The following LMO7 variants were observed in gnomAD, a reference collection of about 807,000 sequenced individuals.
LMO7 encodes LIM domain only protein 7.
LMO7 carries 120 observed loss-of-function variants against 206.5 expected under a neutral mutation model. The observed-to-expected ratio is 0.58, with a 90% CI of 0.50 to 0.68. The LOEUF is 0.68. LMO7 is among the 30% of genes least tolerant of loss of function. LMO7 has a pLI of 0.00. For synonymous variants in LMO7, 706 were observed against 681.5 expected (o/e 1.04, Z -0.56); for missense variants, 1,959 against 1,957.9 (o/e 1.00, Z -0.01).
At chr13:75,677,048 T>C (rs1299819523) in intron 1 of LMO7, among the ~76,000 whole-genome samples, 1 of 152,224 alleles carries the variant, frequency 6.6e-6, no homozygotes, top group Admixed American at 6.5e-5. Flanking sequence ...ATTTATGATA[T>C]GGAATGAACC....
At chr13:75,702,733 A>T (rs2042362693) in intron 1 of LMO7, among the ~76,000 whole-genome samples, 1 of 152,210 alleles carries the variant, frequency 6.6e-6, no homozygotes, top group African/African-American at 2.4e-5. Context: ...GAATTGCTTC[A>T]TTTTACTTTT....
chr13:75,783,329 C>T (rs1313459648), intron 4 of LMO7, among the ~76,000 whole-genome samples: 1 of 152,066 alleles, frequency 6.6e-6, no homozygotes, highest in Non-Finnish European at 1.5e-5. Flanking sequence ...CTGATATGTT[C>T]CTTTTTTTTG....
chr13:75,703,714 TTGTG>T (rs139490120), intron 1 of LMO7, among the ~76,000 whole-genome samples: 257 of 147,666 alleles, frequency 1.7e-3, no homozygotes, highest in Non-Finnish European at 2.2e-3. Flanking sequence ...TTCAGGTTCT[TTGTG>T]TGTGTGTGTG....
chr13:75,652,922 C>G (rs551217573), intron 1 of LMO7, among the ~76,000 whole-genome samples: 25 of 152,004 alleles, frequency 1.6e-4, no homozygotes, highest in Non-Finnish European at 2.9e-4. Flanking sequence ...ATAAACTAAA[C>G]CACAGATGGA....
chr13:75,796,318 C>T (rs529831391), intron 5 of LMO7, among the ~76,000 whole-genome samples: 1 of 152,116 alleles, frequency 6.6e-6, no homozygotes, highest in Non-Finnish European at 1.5e-5. Context: ...GATGAAAAAA[C>T]ATTGATTGCT....
intron 1 of LMO7, among the ~76,000 whole-genome samples, chr13:75,677,664 T>G (rs545550947): frequency 4.6e-5 from 7 of 151,840 alleles, no homozygotes; most frequent in Admixed American, 2.0e-4. Flanking sequence ...TATTATACTT[T>G]AAGTTCTAGG....
intron 3 of LMO7, among the ~76,000 whole-genome samples, chr13:75,729,339 T>G (rs1179507693): frequency 6.7e-6 from 1 of 148,586 alleles, no homozygotes; most frequent in Non-Finnish European, 1.5e-5. Flanking sequence ...AAGAGGTCCT[T>G]CACATCCCTT....
upstream of LMO7, among the ~76,000 whole-genome samples, chr13:75,634,580 A>G (rs1593928372): frequency 6.6e-6 from 1 of 152,280 alleles, no homozygotes; most frequent in South Asian, 2.1e-4. Context: ...CTCTACTAAA[A>G]AAATACAAAA....
intron 1 of LMO7, among the ~76,000 whole-genome samples, chr13:75,704,267 G>T (rs890265636): frequency 3.9e-5 from 6 of 152,160 alleles, no homozygotes; most frequent in African/African-American, 1.4e-4. Context: ...CATGGCTCTT[G>T]GGAATTGTTT....
chr13:75,833,849 C>T (rs536167193), intron 16 of LMO7, among the ~76,000 whole-genome samples: 1 of 152,160 alleles, frequency 6.6e-6, no homozygotes, highest in East Asian at 1.9e-4. Flanking sequence ...TTTTAAATAG[C>T]TGTGTTTTCT....
intron 1 of LMO7, among the ~76,000 whole-genome samples, chr13:75,707,753 A>T (rs1211662965): frequency 3.9e-5 from 6 of 151,958 alleles, no homozygotes; most frequent in Non-Finnish European, 8.8e-5. Context: ...GTCTTTTTTT[A>T]AAAAAATATA....
intron 3 of LMO7, among the ~76,000 whole-genome samples, chr13:75,757,613 A>T (rs1044318993): frequency 6.6e-6 from 1 of 152,106 alleles, no homozygotes; most frequent in Non-Finnish European, 1.5e-5. Flanking sequence ...TTCAAGGATA[A>T]GGGGTGGAAG....
chr13:75,668,266 T>C (rs2039251625), intron 1 of LMO7, among the ~76,000 whole-genome samples: 1 of 152,158 alleles, frequency 6.6e-6, no homozygotes, highest in Non-Finnish European at 1.5e-5. Context: ...GGACTCAAAC[T>C]GCAAATTCTG....
intron 1 of LMO7, among the ~76,000 whole-genome samples, chr13:75,639,346 C>T (rs977313633): frequency 6.6e-6 from 1 of 152,180 alleles, no homozygotes; most frequent in Non-Finnish European, 1.5e-5. Context: ...TCTACTCATG[C>T]TAATTTTGCA....
At chr13:75,667,728 T>C (rs2039196626) in intron 1 of LMO7, among the ~76,000 whole-genome samples, 1 of 152,210 alleles carries the variant, frequency 6.6e-6, no homozygotes, top group Non-Finnish European at 1.5e-5. Flanking sequence ...TGCTTGCTTG[T>C]TAATTAGGAT....
chr13:75,782,374 A>G (rs1034074042), intron 4 of LMO7, among the ~76,000 whole-genome samples: 5 of 152,236 alleles, frequency 3.3e-5, no homozygotes, highest in African/African-American at 9.6e-5. Context: ...TTGAATTATA[A>G]CAATATAATA....
intron 1 of LMO7, among the ~76,000 whole-genome samples, chr13:75,689,752 C>A (rs1220219323): frequency 6.6e-6 from 1 of 152,204 alleles, no homozygotes; most frequent in Non-Finnish European, 1.5e-5. Context: ...TGGACCTACA[C>A]CAGCGGTTTG....
Position 75,738,707 on chromosome 13 carries a change from T to C in LMO7, c.210+11609T>C, listed in dbSNP as rs185625082. Among the ~76,000 whole-genome samples, 149 of 152,342 alleles carry C rather than the reference T, an allele frequency of 9.8e-4. 2 individuals are homozygous for C. Among genetic ancestry groups the C allele is most frequent in the African/African-American group, 3.4e-3 (142 of 41,578 alleles). On this transcript the variant is annotated intron_variant, in intron 3 of 30. Coordinates refer to ENST00000377534, the MANE Select transcript of LMO7 (RefSeq NM_001306080.2). ...AAAACCAAAACTTTATTTGGGATTT[T>C]TTTTAAAAAACCCAATCTCAAAACA...
At chr13:75,807,128 CA>C in intron 9 of LMO7, 1 of 207,932 alleles carries the variant, frequency 4.8e-6, no homozygotes, top group East Asian at 1.1e-4. Flanking sequence ...TCAGAACAAA[CA>C]AACAAACAAA....
Sources: gnomAD v4.1 joint callset for allele counts (sites outside exome capture counted in the v4.1 genomes callset) on GRCh38, gnomAD v4.1.1 for gene constraint, MANE v1.5 for transcripts, NCBI Gene and HGNC (gene_info 2026-07-23, HGNC 2026-07-21) for gene names.